SCAMP4: variants seen among roughly 807,000 people sequenced by gnomAD.
The protein encoded by SCAMP4 is secretory carrier membrane protein 4.
SCAMP4 carries 19 observed loss-of-function variants against 32.1 expected under a neutral mutation model. The observed-to-expected ratio is 0.59, with a 90% confidence interval of 0.41 to 0.87. SCAMP4 has a LOEUF of 0.87. Ranked by LOEUF, SCAMP4 falls within the 40% of genes least tolerant of loss-of-function variation. SCAMP4 has a pLI of 0.00. For missense variants in SCAMP4, 302 were observed against 309.0 expected, an observed-to-expected ratio of 0.98 and a Z score of 0.17; for synonymous variants, 152 against 132.7, an observed-to-expected ratio of 1.15 and a Z score of -1.00.
At chr19:1,916,996 C>T (rs772754731) in intron 2 of SCAMP4, among the ~76,000 whole-genome samples, 12 of 152,182 alleles carry the variant, frequency 7.9e-5, no homozygotes, top group Non-Finnish European at 1.0e-4. Context: ...AAGGGTGACA[C>T]GTAAATTTAA....
intron 6 of SCAMP4, among the ~76,000 whole-genome samples, chr19:1,923,615 CTTTTTT>C (rs35226425): frequency 8.1e-5 from 7 of 86,466 alleles, no homozygotes; most frequent in African/African-American, 3.3e-4. Context: ...CAGCAAAATG[CTTTTTT>C]TTTTTTTTTT....
At chr19:1,910,083 C>T (rs2013357360) in intron 1 of SCAMP4, among the ~76,000 whole-genome samples, 1 of 152,206 alleles carries the variant, frequency 6.6e-6, no homozygotes. Flanking sequence ...ATAGCAGACT[C>T]CGTGCATCTG....
At chr19:1,913,170 C>T (rs767966892) in intron 1 of SCAMP4, 5 of 1,503,520 alleles carry the variant, frequency 3.3e-6, no homozygotes, top group Admixed American at 2.2e-5. Flanking sequence ...CTCCTGCCTC[C>T]GGACCCTTCC....
At chr19:1,906,866 TTGTGTGTGTG>T (rs66848678) in intron 1 of SCAMP4, 3 of 130,084 alleles carry the variant, frequency 2.3e-5, no homozygotes, top group South Asian at 2.4e-4. Context: ...AAAAAAAAAA[TTGTGTGTGTG>T]TGTGTGTGTG....
chr19:1,925,839 T>G lies in SCAMP4; in HGVS notation c.*1555T>G, dbSNP rs1478775149. The G allele has an allele frequency of 6.6e-6, 1 of 152,414 alleles. No individual in the cohort carries two copies. The highest frequency in any genetic ancestry group is 1.5e-5 in the Non-Finnish European group (1 of 68,128). The allele number at this position is 152,414 out of a possible 1,614,324, so 9.4% of individuals were successfully genotyped here. A position where few individuals can be genotyped will look rare whatever the true frequency, so the allele number is the denominator to read the frequency against. Reference sequence around the variant, plus strand: ...CTTCAGGTCCTGCCCCCGGCCAGTCTGCCAAGAGGCACCCCCTTCCCCAGC... The same window carrying G: ...CTTCAGGTCCTGCCCCCGGCCAGTCGGCCAAGAGGCACCCCCTTCCCCAGC... On this transcript the variant is annotated 3_prime_UTR_variant, in exon 7 of 7. Transcript: ENST00000316097.
intron 5 of SCAMP4, chr19:1,922,513 G>T: frequency 1.0e-6 from 1 of 984,216 alleles, no homozygotes; most frequent in Non-Finnish European, 1.2e-6. Context: ...GGGACGACAG[G>T]CGTAAGCCTC....
chr19:1,922,993 G>C, intron 5 of SCAMP4, 77 bp from the exon 6 acceptor site: 1 of 1,435,796 alleles, frequency 7.0e-7, no homozygotes, highest in Non-Finnish European at 9.2e-7. Flanking sequence ...TCTTTACATG[G>C]GGAGGACCAT....
At chr19:1,917,863 G>A (rs1446883457) in intron 3 of SCAMP4, 41 bp downstream of exon 3, 3 of 1,610,862 alleles carry the variant, frequency 1.9e-6, no homozygotes, top group Non-Finnish European at 2.5e-6. Flanking sequence ...GCGGGAGGCA[G>A]GGCTCCCCGA....
intron 1 of SCAMP4, among the ~76,000 whole-genome samples, chr19:1,910,636 G>T (rs1218348035): frequency 1.3e-5 from 2 of 149,382 alleles, no homozygotes; most frequent in East Asian, 4.0e-4. Context: ...GAGTGCAGTG[G>T]CACGATCTCG....
intron 5 of SCAMP4, 190 bp from the exon 6 acceptor site, chr19:1,922,880 G>A (rs968196090): frequency 5.0e-5 from 66 of 1,326,586 alleles, no homozygotes; most frequent in Middle Eastern, 2.8e-4. Context: ...GGATAAGGTC[G>A]TATTCACGCG....
chr19:1,912,772 T>C, intron 1 of SCAMP4: 1 of 1,565,804 alleles, frequency 6.4e-7, no homozygotes, highest in Non-Finnish European at 8.6e-7. Flanking sequence ...CACGCCGTCA[T>C]GGTGTGCGTG....
chr19:1,912,928 T>C (rs767469574), intron 1 of SCAMP4: 1 of 1,610,266 alleles, frequency 6.2e-7, no homozygotes, highest in Non-Finnish European at 8.5e-7. Context: ...CTCCCCTACC[T>C]GTGCACTGGC....
chr19:1,921,093 C>G (rs1411461567), intron 5 of SCAMP4: 1 of 985,310 alleles, frequency 1.0e-6, no homozygotes, highest in African/African-American at 1.7e-5. Flanking sequence ...CCACAGCGCA[C>G]AGCGACTTCA....
In SCAMP4 at chr19:1,924,347, G is replaced by C; in HGVS notation, c.*63G>C. 6.8e-7 allele frequency: 1 copy of C among 1,476,740 alleles called. No individual in the cohort carries two copies. The highest frequency in any genetic ancestry group is 1.2e-5 in the South Asian group (1 of 81,056). 91.5% of individuals were successfully genotyped at this position (1,476,740 alleles called of 1,614,324 possible). ...CCCCTTCATTCCTGCTGCTACCCCTGGTCCCGAGGGCTGGGAGTACCTGGG... is the reference window on the plus strand; with the variant it reads ...CCCCTTCATTCCTGCTGCTACCCCTCGTCCCGAGGGCTGGGAGTACCTGGG... On this transcript the variant is annotated 3_prime_UTR_variant, in exon 7 of 7. Transcript: ENST00000316097.
In SCAMP4 at chr19:1,917,740, G is replaced by T; in HGVS notation, c.54G>T (p.Lys18Asn). 6.2e-7 allele frequency: 1 copy of T among 1,614,052 alleles called. No individual in the cohort carries two copies. The highest frequency in any genetic ancestry group is 1.3e-5 in the African/African-American group (1 of 75,068). ...FPPLPKFIPV[K>N]PCFYQNFSDE... Reference sequence around the variant, plus strand: ...CACTGCCCAAGTTCATCCCTGTGAAGCCCTGCTTCTACCAGAACTTCTCCG... The same window carrying T: ...CACTGCCCAAGTTCATCCCTGTGAATCCCTGCTTCTACCAGAACTTCTCCG... The change falls in exon 3 of 7, where the codon AAG becomes AAT. Residue 18 changes from lysine (K) to asparagine (N), a missense_variant. Transcript: ENST00000316097.
chr19:1,911,288 C>T (rs2013432571), intron 1 of SCAMP4, among the ~76,000 whole-genome samples: 1 of 152,068 alleles, frequency 6.6e-6, no homozygotes, highest in South Asian at 2.1e-4. Context: ...CCTCCTGTTT[C>T]AGCTTCTCGA....
chr19:1,921,734 T>G (rs1344638603), intron 5 of SCAMP4: 3 of 983,542 alleles, frequency 3.1e-6, no homozygotes, highest in African/African-American at 1.8e-5. Flanking sequence ...TCCCAGCGCT[T>G]TGGGAGGCCA....
intron 5 of SCAMP4, chr19:1,920,550 G>A (rs967084480): frequency 1.0e-6 from 1 of 962,986 alleles, no homozygotes; most frequent in African/African-American, 1.8e-5. Flanking sequence ...CCAAGAGCCT[G>A]AGTGACGTTG....
chr19:1,920,115 T>C (rs2013872153), intron 5 of SCAMP4: 3 of 985,164 alleles, frequency 3.0e-6, no homozygotes, highest in Admixed American at 1.2e-4. Flanking sequence ...CTGGCCAAAT[T>C]TGTGGCTTTT....
Sources: gnomAD v4.1 joint callset for allele counts (sites outside exome capture counted in the v4.1 genomes callset) on GRCh38, gnomAD v4.1.1 for gene constraint, MANE v1.5 for transcripts, NCBI Gene and HGNC (gene_info 2026-07-23, HGNC 2026-07-21) for gene names.